The following UBE2E2 variants were observed in gnomAD, a reference collection of about 807,000 sequenced individuals.
UBE2E2 encodes the protein ubiquitin conjugating enzyme E2 E2.
In UBE2E2, 6 loss-of-function variants were observed where a neutral mutation model predicts 24.7. The ratio of observed to expected loss-of-function variants is 0.24; its 90% confidence interval spans 0.13 to 0.48. The LOEUF (loss-of-function observed/expected upper bound fraction) is 0.48. UBE2E2 is among the 20% of genes least tolerant of loss of function. The pLI is 0.99. For missense variants in UBE2E2, 169 were observed against 245.0 expected (o/e 0.69, Z 2.07); for synonymous variants, 104 against 83.6 (o/e 1.24, Z -1.33).
Position 23,208,712 on chromosome 3 carries a change from G to T in UBE2E2, c.13G>T (p.Ala5Ser). 1 of 1,608,246 alleles carries T rather than the reference G, an allele frequency of 6.2e-7. No homozygotes were observed. The highest frequency in any genetic ancestry group is 8.5e-7 in the Non-Finnish European group (1 of 1,177,682). The change falls in exon 2 of 6, where the codon GCA (alanine) becomes TCA (serine). Residue 5 changes from alanine to serine, a missense_variant. Coordinates refer to ENST00000396703, the MANE Select transcript of UBE2E2 (RefSeq NM_152653.4). ...TCCAGGATCTAAAATGTCCACTGAG[G>T]CACAAAGAGTTGATGACAGTCCAAG... The part of the protein sequence containing the change: MSTE[A>S]QRVDDSPSTS...
At chr3:23,355,291 A>G (rs185627102) in intron 3 of UBE2E2, among the ~76,000 whole-genome samples, 89 of 152,090 alleles carry the variant, frequency 5.9e-4, no homozygotes, top group Non-Finnish European at 1.1e-3. Flanking sequence ...ATGACGAGTT[A>G]ATGGGTGCAG....
At chr3:23,488,615 C>T (rs538776852) in intron 3 of UBE2E2, among the ~76,000 whole-genome samples, 3 of 152,168 alleles carry the variant, frequency 2.0e-5, no homozygotes, top group South Asian at 2.1e-4. Flanking sequence ...TACATTTCAC[C>T]GTGTATGAGT....
Position 23,532,601 on chromosome 3 carries a change from T to G in UBE2E2, c.408T>G (p.Gly136=). Residue 136 remains glycine, a synonymous_variant, in exon 5 of 6, where the codon GGT becomes GGG. Transcript: ENST00000396703. ...ATCACTGTAATATTAACAGCCAAGGTGTGATCTGTCTGGACATCTTAAAGG... is the reference window on the plus strand; with the variant it reads ...ATCACTGTAATATTAACAGCCAAGGGGTGATCTGTCTGGACATCTTAAAGG... ...RIYHCNINSQ[G]VICLDILKDN... 6.4e-7 allele frequency: 1 copy of G among 1,567,936 alleles called. No individual in the cohort carries two copies. Among genetic ancestry groups the G allele is most frequent in the Non-Finnish European group, 8.7e-7 (1 of 1,148,126 alleles).
At chr3:23,445,917 T>C (rs1218947254) in intron 3 of UBE2E2, among the ~76,000 whole-genome samples, 3 of 152,200 alleles carry the variant, frequency 2.0e-5, no homozygotes, top group Admixed American at 6.5e-5. Context: ...AGGATCAGCA[T>C]TGTGACTTCT....
At chr3:23,557,485 C>A (rs1389275622) in intron 5 of UBE2E2, among the ~76,000 whole-genome samples, 1 of 152,170 alleles carries the variant, frequency 6.6e-6, no homozygotes, top group East Asian at 1.9e-4. Flanking sequence ...GACACACTCA[C>A]ACACAGACCC....
chr3:23,521,911 T>C (rs1185224941), intron 4 of UBE2E2, among the ~76,000 whole-genome samples: 1 of 122,030 alleles, frequency 8.2e-6, no homozygotes, highest in Non-Finnish European at 1.6e-5. Flanking sequence ...CCAGCACTAA[T>C]TGAGCACCTA....
At chr3:23,532,833 G>C (rs942825358) in intron 5 of UBE2E2, 132 bp downstream of exon 5, 2 of 855,376 alleles carry the variant, frequency 2.3e-6, no homozygotes, top group Non-Finnish European at 3.2e-6. Context: ...AATTTTCATA[G>C]TATGTAACTA....
At chr3:23,436,516 A>G (rs1237828920) in intron 3 of UBE2E2, among the ~76,000 whole-genome samples, 1 of 152,128 alleles carries the variant, frequency 6.6e-6, no homozygotes, top group Non-Finnish European at 1.5e-5. Context: ...GTTTTCCTTT[A>G]AAGGAAAATC....
chr3:23,337,265 A>T (rs1249469327), intron 3 of UBE2E2, among the ~76,000 whole-genome samples: 1 of 152,198 alleles, frequency 6.6e-6, no homozygotes. Flanking sequence ...TAGAAAGTGT[A>T]GTTTCTATGT....
intron 4 of UBE2E2, among the ~76,000 whole-genome samples, chr3:23,523,158 A>G (rs1264669893): frequency 1.3e-5 from 2 of 152,258 alleles, no homozygotes; most frequent in African/African-American, 2.4e-5. Context: ...AACATTCTAT[A>G]TAAACTGAAT....
intron 4 of UBE2E2, among the ~76,000 whole-genome samples, chr3:23,512,654 CTG>C (rs1194195367): frequency 6.6e-6 from 1 of 152,052 alleles, no homozygotes; most frequent in Non-Finnish European, 1.5e-5. Context: ...AGTTGTATAT[CTG>C]TGTATAGACT....
intron 5 of UBE2E2, among the ~76,000 whole-genome samples, chr3:23,580,136 A>G (rs757842463): frequency 1.7e-4 from 26 of 152,366 alleles, no homozygotes; most frequent in Non-Finnish European, 2.5e-4. Flanking sequence ...AATGACAACA[A>G]AGTTTTTAGA....
At chr3:23,468,505 G>A (rs1222608230) in intron 3 of UBE2E2, among the ~76,000 whole-genome samples, 1 of 152,166 alleles carries the variant, frequency 6.6e-6, no homozygotes, top group Non-Finnish European at 1.5e-5. Context: ...TTTAGTTTAG[G>A]TATAGTTATA....
chr3:23,312,741 G>A (rs972117646), intron 3 of UBE2E2, among the ~76,000 whole-genome samples: 19 of 151,750 alleles, frequency 1.3e-4, no homozygotes, highest in African/African-American at 4.1e-4. Flanking sequence ...TTTGACGTAG[G>A]CAAAAAAGTA....
chr3:23,248,981 C>G (rs1170994731), intron 3 of UBE2E2, among the ~76,000 whole-genome samples: 1 of 152,112 alleles, frequency 6.6e-6, no homozygotes, highest in Non-Finnish European at 1.5e-5. Flanking sequence ...ACCTTAGGAC[C>G]TTATTCTGGC....
intron 3 of UBE2E2, among the ~76,000 whole-genome samples, chr3:23,437,250 G>T (rs997155814): frequency 6.6e-6 from 1 of 151,996 alleles, no homozygotes; most frequent in East Asian, 1.9e-4. Flanking sequence ...TCTTTTTTCA[G>T]GTCTCATTGC....
intron 3 of UBE2E2, among the ~76,000 whole-genome samples, chr3:23,395,317 A>G (rs1316178904): frequency 6.6e-6 from 1 of 152,226 alleles, no homozygotes; most frequent in Non-Finnish European, 1.5e-5. Context: ...TTCAGCACCT[A>G]AAAATCCCCT....
intron 3 of UBE2E2, among the ~76,000 whole-genome samples, chr3:23,230,958 C>CT (rs1696960496): frequency 1.3e-5 from 2 of 152,072 alleles, no homozygotes; most frequent in East Asian, 1.9e-4. Context: ...AGGGAAACCA[C>CT]TTTTTTTGCT....
At chr3:23,546,093 C>G (rs1487810322) in intron 5 of UBE2E2, among the ~76,000 whole-genome samples, 1 of 152,164 alleles carries the variant, frequency 6.6e-6, no homozygotes, top group Non-Finnish European at 1.5e-5. Context: ...AAATCTCAGA[C>G]TTTACCACTA....
Sources: allele counts gnomAD v4.1 joint callset (sites outside exome capture counted in the v4.1 genomes callset), GRCh38; gene constraint gnomAD v4.1.1; transcripts MANE v1.5; gene names NCBI Gene and HGNC (gene_info 2026-07-23, HGNC 2026-07-21).